APOBEC3F: variants seen among roughly 807,000 people sequenced by gnomAD.
APOBEC3F encodes the protein apolipoprotein B mRNA editing enzyme catalytic subunit 3F.
In APOBEC3F, 34 loss-of-function variants were observed where a neutral mutation model predicts 45.8. That is an observed-to-expected ratio of 0.74 (90% CI 0.57 to 0.99). The LOEUF (loss-of-function observed/expected upper bound fraction) is 0.99, where lower values mean the gene tolerates loss of function less well. APOBEC3F is among the 50% of genes least tolerant of loss of function. APOBEC3F has a pLI of 0.00. For missense variants in APOBEC3F, 459 were observed against 474.1 expected, an observed-to-expected ratio of 0.97 and a Z score of 0.30; for synonymous variants, 192 against 174.4, an observed-to-expected ratio of 1.10 and a Z score of -0.80.
chr22:39,044,041 A>G, intron 2 of APOBEC3F: 1 of 1,496,374 alleles, frequency 6.7e-7, no homozygotes, highest in African/African-American at 1.4e-5. Context: ...AAAAACAAAA[A>G]ACAAAAAAAG....
In APOBEC3F at chr22:39,043,100, G is replaced by T. The variant is rs753198899; in HGVS notation, c.171+10G>T. 4 of 1,613,862 alleles carry T rather than the reference G, an allele frequency of 2.5e-6. No individual in the cohort carries two copies. Among genetic ancestry groups the T allele is most frequent in the Admixed American group, 3.3e-5 (2 of 59,946 alleles). On this transcript the variant is annotated intron_variant, in intron 2 of 6. Transcript: ENST00000308521. ...GATCTTTCGAGGCCAGGTACCACCC[G>T]GACTTCAATCACTTTGCAGGCAGGA...
intron 1 of APOBEC3F, among the ~76,000 whole-genome samples, chr22:39,041,187 C>A (rs1446440589): frequency 6.6e-6 from 1 of 152,088 alleles, no homozygotes; most frequent in Non-Finnish European, 1.5e-5. Flanking sequence ...GCTTCCCCAC[C>A]TGCCCCAGCC....
intron 4 of APOBEC3F, among the ~76,000 whole-genome samples, chr22:39,048,663 C>G (rs573915809): frequency 1.3e-5 from 2 of 152,052 alleles, no homozygotes; most frequent in East Asian, 1.9e-4. Context: ...AAAAATTAGC[C>G]GGGTGTTGTG....
intron 5 of APOBEC3F, among the ~76,000 whole-genome samples, chr22:39,049,803 A>C (rs1168447569): frequency 6.6e-6 from 1 of 150,462 alleles, no homozygotes; most frequent in Non-Finnish European, 1.5e-5. Flanking sequence ...GGGTTCAAGC[A>C]ATTCTTCTGT....
chr22:39,043,997 C>A, intron 2 of APOBEC3F: 1 of 1,450,290 alleles, frequency 6.9e-7, no homozygotes, highest in Non-Finnish European at 9.1e-7. Context: ...TGCACTCCAG[C>A]CTGGGCAACA....
chr22:39,044,828 T>A, intron 2 of APOBEC3F, 113 bp from the exon 3 acceptor site: 1 of 1,008,590 alleles, frequency 9.9e-7, no homozygotes, highest in Admixed American at 2.8e-5. Context: ...GAAAGGAGCT[T>A]CAATGGCAAG....
rs975927043 is a variant in APOBEC3F at position 39,054,864 on chromosome 22, G to A, written c.*2169G>A. 2.0e-5 allele frequency among the ~76,000 whole-genome samples: 3 copies of A among 152,018 alleles called. No individual in the cohort carries two copies. Among genetic ancestry groups the A allele is most frequent in the African/African-American group, 7.2e-5 (3 of 41,394 alleles). The stretch of plus-strand genomic sequence containing the variant: ...TGTGGCCTCCACAGAAGATGCCCTG[G>A]GCCAGGTGCCCACATGAATAATGCG... On this transcript the variant is annotated 3_prime_UTR_variant, in exon 7 of 7. Coordinates refer to ENST00000308521, the MANE Select transcript of APOBEC3F (RefSeq NM_145298.6).
At chr22:39,043,955 G>C in intron 2 of APOBEC3F, 1 of 1,327,790 alleles carries the variant, frequency 7.5e-7, no homozygotes, top group Middle Eastern at 1.9e-4. Context: ...AACCCATGAG[G>C]CAGAGGTTGT....
Position 39,049,598 on chromosome 22 carries a change from A to G in APOBEC3F, c.723+17A>G, listed in dbSNP as rs888472122. On this transcript the variant is annotated intron_variant, in intron 5 of 6. Coordinates refer to ENST00000308521, the MANE Select transcript of APOBEC3F (RefSeq NM_145298.6). The stretch of plus-strand genomic sequence containing the variant: ...CGAAACCAGGTAGCACCAAAGTCCT[A>G]TTTACACCCCAAATAGGAGCTAAGC... 3.5e-5 allele frequency: 56 copies of G among 1,613,186 alleles called. No homozygotes were observed. The highest frequency in any genetic ancestry group is 6.7e-5 in the Admixed American group (4 of 59,900).
rs1555902752 is a variant in APOBEC3F at position 39,052,562 on chromosome 22, CTTGTT to C, written c.1004-12_1004-8del. ...CCTGCTGGGCCCTCACTGCTTTCTCCTTGTTTTTTCTCAGATTTTAAATATTGTTG... is the reference window on the plus strand; with the variant it reads ...CCTGCTGGGCCCTCACTGCTTTCTCCTTTTCTCAGATTTTAAATATTGTTG... On this transcript the variant is annotated splice_polypyrimidine_tract_variant and intron_variant, in intron 6 of 6. Coordinates refer to ENST00000308521, the MANE Select transcript of APOBEC3F (RefSeq NM_145298.6). The C allele has an allele frequency of 6.2e-7, 1 of 1,609,454 alleles. No individual in the cohort carries two copies. Among genetic ancestry groups the C allele is most frequent in the African/African-American group, 1.3e-5 (1 of 74,804 alleles).
chr22:39,043,562 G>A lies in APOBEC3F; in HGVS notation c.171+472G>A, dbSNP rs187898686. ...TGACCTCAGGTGATCCACCTGCCTC[G>A]GCCTCCCAAAGTGTTGGGATTACAG... On this transcript the variant is annotated intron_variant, in intron 2 of 6. Coordinates refer to ENST00000308521, the MANE Select transcript of APOBEC3F (RefSeq NM_145298.6). 4.9e-3 allele frequency among the ~76,000 whole-genome samples: 727 copies of A among 149,382 alleles called. 2 individuals carry two copies. Among genetic ancestry groups the A allele is most frequent in the Middle Eastern group, 0.01 (3 of 288 alleles).
chr22:39,052,515 G>C (rs1217778300), intron 6 of APOBEC3F, 62 bp from the exon 7 acceptor site: 1 of 1,569,470 alleles, frequency 6.4e-7, no homozygotes, highest in Non-Finnish European at 8.6e-7. Context: ...TTGGAGGGGA[G>C]GGCCCAGGGC....
At chr22:39,046,557 A>C (rs1424703828) in intron 4 of APOBEC3F, among the ~76,000 whole-genome samples, 1 of 151,754 alleles carries the variant, frequency 6.6e-6, no homozygotes, top group Non-Finnish European at 1.5e-5. Flanking sequence ...TGCCCCCAAC[A>C]GGGATGGAGA....
chr22:39,052,689 C>T lies in APOBEC3F; in HGVS notation c.1116C>T (p.Leu372=), dbSNP rs550863408. The T allele has an allele frequency of 6.2e-6, 10 of 1,612,450 alleles. No homozygotes were observed. Among genetic ancestry groups the T allele is most frequent in the South Asian group, 2.2e-5 (2 of 90,958 alleles). Residue 372 remains leucine (L), a synonymous_variant, in exon 7 of 7, where the codon CTC becomes CTT. Transcript: ENST00000308521. The part of the protein sequence containing the change: ...LFLDSKLQEI[L]E Reference sequence around the variant, plus strand: ...TGGACAGCAAGCTGCAGGAGATTCTCGAGTGAGGGGTCTCCCCGGGCCTCA... The same window carrying T: ...TGGACAGCAAGCTGCAGGAGATTCTTGAGTGAGGGGTCTCCCCGGGCCTCA...
At chr22:39,047,160 G>GC (rs1378641748) in intron 4 of APOBEC3F, among the ~76,000 whole-genome samples, 14 of 152,094 alleles carry the variant, frequency 9.2e-5, no homozygotes, top group Admixed American at 6.5e-5. Flanking sequence ...ACATCTGAGG[G>GC]CACCCCCACC....
rs1452621263 is a variant in APOBEC3F at position 39,052,709 on chromosome 22, G to C, written c.*14G>C. ...ATTCTCGAGTGAGGGGTCTCCCCGG[G>C]CCTCATGGTCTGTCTCCTCTAGCCT... On this transcript the variant is annotated 3_prime_UTR_variant, in exon 7 of 7. Transcript: ENST00000308521. 1.9e-6 allele frequency: 3 copies of C among 1,606,120 alleles called. No homozygotes were observed.
chr22:39,045,255 G>C (rs762174096), intron 3 of APOBEC3F, 35 bp downstream of exon 3: 34 of 1,607,092 alleles, frequency 2.1e-5, no homozygotes. Flanking sequence ...GCGTGAGCGG[G>C]AGGAACAGCA....
intron 2 of APOBEC3F, chr22:39,044,222 C>T (rs1264104126): frequency 1.9e-6 from 3 of 1,603,036 alleles, no homozygotes; most frequent in Non-Finnish European, 2.6e-6. Flanking sequence ...CCCTAGAGGG[C>T]CAGGCCACAG....
Position 39,052,882 on chromosome 22 carries a change from A to G in APOBEC3F, c.*187A>G. The G allele has an allele frequency of 7.5e-7, 1 of 1,335,156 alleles. No homozygotes were observed. The highest frequency in any genetic ancestry group is 9.7e-7 in the Non-Finnish European group (1 of 1,033,084). 82.7% of individuals were successfully genotyped at this position (1,335,156 alleles called of 1,614,324 possible). Reference sequence around the variant, plus strand: ...CCGCTCTCCCAGGCTCTTCCTGCAGAGGCCTCTTTCTGCCTCCATGGCTAT... The same window carrying G: ...CCGCTCTCCCAGGCTCTTCCTGCAGGGGCCTCTTTCTGCCTCCATGGCTAT... On this transcript the variant is annotated 3_prime_UTR_variant, in exon 7 of 7. Transcript: ENST00000308521.
Sources: gnomAD v4.1 joint callset for allele counts (sites outside exome capture counted in the v4.1 genomes callset) on GRCh38, gnomAD v4.1.1 for gene constraint, MANE v1.5 for transcripts, NCBI Gene and HGNC (gene_info 2026-07-23, HGNC 2026-07-21) for gene names.